The following GADL1 variants were observed in gnomAD, a reference collection of about 807,000 sequenced individuals.
The protein encoded by GADL1 is GAD like acidic amino acid decarboxylase 1.
In GADL1, 71 loss-of-function variants were observed where a neutral mutation model predicts 69.5. That is an observed-to-expected ratio of 1.02 (90% CI 0.84 to 1.25). The LOEUF is 1.25. Among genes scored for constraint, GADL1 ranks in the 50% most tolerant of loss-of-function variants. The pLI is 0.00. For synonymous variants in GADL1, 254 were observed against 214.4 expected (o/e 1.18, Z -1.62); for missense variants, 737 against 631.8 (o/e 1.17, Z -1.79).
intron 12 of GADL1, among the ~76,000 whole-genome samples, chr3:30,788,085 C>T (rs933784209): frequency 2.6e-5 from 4 of 152,134 alleles, no homozygotes; most frequent in African/African-American, 9.7e-5. Flanking sequence ...CTACATATGC[C>T]ATTCTCTGAA....
chr3:30,800,177 A>C (rs546420507), intron 12 of GADL1: 1 of 152,772 alleles, frequency 6.5e-6, no homozygotes, highest in African/African-American at 2.4e-5. Context: ...TACATACCCA[A>C]GACTGGGAAG....
chr3:30,841,557 T>A (rs551532936), intron 8 of GADL1, among the ~76,000 whole-genome samples: 1 of 152,264 alleles, frequency 6.6e-6, no homozygotes, highest in Non-Finnish European at 1.5e-5. Context: ...GGGGAAAGAA[T>A]AAGACGTTTA....
chr3:30,731,968 C>T (rs988405821), intron 14 of GADL1, among the ~76,000 whole-genome samples: 4 of 152,150 alleles, frequency 2.6e-5, no homozygotes, highest in African/African-American at 9.7e-5. Context: ...TTGCAATGTC[C>T]TCTCACTTGT....
Position 30,880,891 on chromosome 3 carries a change from A to G in GADL1, c.37+13687T>C, listed in dbSNP as rs533459218. Among the ~76,000 whole-genome samples, 4 of 152,118 alleles carry G rather than the reference A, an allele frequency of 2.6e-5. No individual in the cohort carries two copies. In the East Asian group the frequency reaches 7.8e-4, roughly 30 times the overall value. On this transcript the variant is annotated intron_variant, in intron 1 of 14. Transcript: ENST00000282538. The stretch of plus-strand genomic sequence containing the variant: ...TAGACCTCAAGAAAGCTCCTAAAAA[A>G]TTATATGCAGTATAAAAAAGAGTGA...
chr3:30,759,315 A>C (rs1413974630), intron 14 of GADL1, among the ~76,000 whole-genome samples: 1 of 152,176 alleles, frequency 6.6e-6, no homozygotes, highest in East Asian at 1.9e-4. Flanking sequence ...TACTCCCTGC[A>C]CTTGATTTCT....
chr3:30,889,462 C>T (rs1698757078), intron 1 of GADL1, among the ~76,000 whole-genome samples: 1 of 152,162 alleles, frequency 6.6e-6, no homozygotes, highest in African/African-American at 2.4e-5. Context: ...GGAACACTTA[C>T]ACAGGAGGTA....
Position 30,786,445 on chromosome 3 carries a change from T to C in GADL1, c.1251-39A>G, listed in dbSNP as rs774017082. 5 of 1,043,860 alleles carry C rather than the reference T, an allele frequency of 4.8e-6. No individual in the cohort carries two copies. In the South Asian group the frequency reaches 5.1e-5, roughly 11 times the overall value. 64.7% of individuals were successfully genotyped at this position (1,043,860 alleles called of 1,614,324 possible). A position where few individuals can be genotyped will look rare whatever the true frequency, so the allele number is the denominator to read the frequency against. ...TCACAATAATATTTATAATCTGCAATGTAAAAGTGTCATGAACATGACTGA... is the reference window on the plus strand; with the variant it reads ...TCACAATAATATTTATAATCTGCAACGTAAAAGTGTCATGAACATGACTGA... On this transcript the variant is annotated intron_variant, in intron 12 of 14. Coordinates refer to ENST00000282538, the MANE Select transcript of GADL1 (RefSeq NM_207359.3).
chr3:30,753,433 TTTA>T (rs745314172), intron 14 of GADL1, among the ~76,000 whole-genome samples: 7 of 151,686 alleles, frequency 4.6e-5, no homozygotes, highest in African/African-American at 9.8e-5. Flanking sequence ...TTTTCCTTAG[TTTA>T]TTTTTTAATT....
chr3:30,748,454 C>A (rs1695745176), intron 14 of GADL1, among the ~76,000 whole-genome samples: 1 of 152,068 alleles, frequency 6.6e-6, no homozygotes, highest in Non-Finnish European at 1.5e-5. Context: ...AGAAACACCC[C>A]CATAGAGTTG....
chr3:30,839,142 T>C (rs1367496984), intron 8 of GADL1, 29 bp from the exon 9 acceptor site: 19 of 1,366,720 alleles, frequency 1.4e-5, no homozygotes, highest in Non-Finnish European at 1.8e-5. Flanking sequence ...CACACAAAAT[T>C]ATCACTGTCA....
intron 14 of GADL1, among the ~76,000 whole-genome samples, chr3:30,733,412 C>T (rs750013011): frequency 6.6e-6 from 1 of 152,084 alleles, no homozygotes; most frequent in Non-Finnish European, 1.5e-5. Context: ...CCCAATGTGT[C>T]CCACTTTCTA....
At chr3:30,764,709 A>T (rs1358364823) in intron 14 of GADL1, among the ~76,000 whole-genome samples, 2 of 152,218 alleles carry the variant, frequency 1.3e-5, no homozygotes, top group East Asian at 3.9e-4. Flanking sequence ...AACTCACATG[A>T]TAGACATGAT....
chr3:30,781,194 T>C (rs1362989335), intron 13 of GADL1, among the ~76,000 whole-genome samples: 1 of 152,150 alleles, frequency 6.6e-6, no homozygotes, highest in African/African-American at 2.4e-5. Context: ...AAATTCATGA[T>C]AAAGGAGTAA....
At chr3:30,773,014 G>A (rs114721694) in intron 14 of GADL1, among the ~76,000 whole-genome samples, 11,896 of 144,414 alleles carry the variant, frequency 0.082, 621 homozygotes, top group South Asian at 0.2. Flanking sequence ...TGTGTGTTAG[G>A]AAGGAGGGGA....
At chr3:30,875,085 A>G (rs919707441) in intron 1 of GADL1, among the ~76,000 whole-genome samples, 2 of 151,796 alleles carry the variant, frequency 1.3e-5, no homozygotes, top group African/African-American at 4.8e-5. Flanking sequence ...AAGTAATACC[A>G]GCTTTGAAGA....
At chr3:30,793,813 GC>G (rs1214995969) in intron 12 of GADL1, among the ~76,000 whole-genome samples, 1 of 151,744 alleles carries the variant, frequency 6.6e-6, no homozygotes, top group Non-Finnish European at 1.5e-5. Flanking sequence ...GCCGCTTAGC[GC>G]CTCCCTGAAC....
chr3:30,758,778 T>C (rs2125483600), intron 14 of GADL1, among the ~76,000 whole-genome samples: 1 of 152,334 alleles, frequency 6.6e-6, no homozygotes, highest in South Asian at 2.1e-4. Flanking sequence ...CATAATGAAG[T>C]ACTTTCATAA....
At chr3:30,857,246 G>T in intron 2 of GADL1, 105 bp from the exon 3 acceptor site, 1 of 910,686 alleles carries the variant, frequency 1.1e-6, no homozygotes, top group Non-Finnish European at 1.7e-6. Context: ...GGCAGCGGGT[G>T]ATTTAAACAT....
intron 1 of GADL1, among the ~76,000 whole-genome samples, chr3:30,862,106 T>C (rs1264801607): frequency 6.6e-6 from 1 of 151,946 alleles, no homozygotes; most frequent in Non-Finnish European, 1.5e-5. Context: ...ACAATTCCCA[T>C]GCTAGATGGT....
Sources: allele counts gnomAD v4.1 joint callset (sites outside exome capture counted in the v4.1 genomes callset), GRCh38; gene constraint gnomAD v4.1.1; transcripts MANE v1.5; gene names NCBI Gene and HGNC (gene_info 2026-07-23, HGNC 2026-07-21).